The following NLGN1 variants were observed in gnomAD, a reference collection of about 807,000 sequenced individuals.
The protein encoded by NLGN1 is neuroligin 1, also known as neuroligin-1.
In NLGN1, 12 loss-of-function variants were observed where a neutral mutation model predicts 65.5. That is an observed-to-expected ratio of 0.18 (90% confidence interval 0.12 to 0.30). The LOEUF is 0.30. Ranked by LOEUF, NLGN1 falls within the 10% of genes least tolerant of loss-of-function variation. The pLI is 1.00. For missense variants in NLGN1, 750 were observed against 1,007.1 expected, an observed-to-expected ratio of 0.74 and a Z score of 3.46; for synonymous variants, 350 against 359.5, an observed-to-expected ratio of 0.97 and a Z score of 0.30.
chr3:173,568,781 C>T lies in NLGN1; in HGVS notation c.-320-35498C>T, dbSNP rs1395193159. Among the ~76,000 whole-genome samples the T allele has an allele frequency of 2.0e-5, 3 of 152,206 alleles. No homozygotes were observed. The East Asian group carries it at 5.8e-4, about 29-fold the overall frequency. ...CTCCGCCTCCTGGGTTCACCCCATT[C>T]TCCGGCCTCAGCCTCTGGAGTAGCT... On this transcript the variant is annotated intron_variant, in intron 2 of 6. Coordinates refer to ENST00000457714, the Ensembl canonical transcript of NLGN1.
intron 1 of NLGN1, among the ~76,000 whole-genome samples, chr3:173,430,076 A>C (rs1175736932): frequency 6.6e-6 from 1 of 152,184 alleles, no homozygotes; most frequent in Non-Finnish European, 1.5e-5. Context: ...GAAGAAACCT[A>C]ACTGGTGACG....
At chr3:173,769,094 A>G (rs1269009702) in intron 3 of NLGN1, among the ~76,000 whole-genome samples, 2 of 152,066 alleles carry the variant, frequency 1.3e-5, no homozygotes, top group East Asian at 1.9e-4. Flanking sequence ...GGTCTCCATT[A>G]CTTTGTTCAA....
chr3:173,852,232 T>C (rs966158555), intron 4 of NLGN1, among the ~76,000 whole-genome samples: 1 of 150,438 alleles, frequency 6.6e-6, no homozygotes, highest in East Asian at 2.0e-4. Flanking sequence ...AGCGGGCGCC[T>C]GTAGTCCCAG....
rs569559615 is a variant in NLGN1 at position 173,842,273 on chromosome 3, C to T, written c.646+34441C>T. 1.2e-4 allele frequency among the ~76,000 whole-genome samples: 18 copies of T among 152,314 alleles called. No individual in the cohort carries two copies. In the South Asian group the frequency reaches 3.5e-3, roughly 30 times the overall value. On this transcript the variant is annotated intron_variant, in intron 4 of 6. Coordinates refer to ENST00000457714, the Ensembl canonical transcript of NLGN1. ...TGACATGTGGGAAGTGTGAGAGCTA[C>T]AATTCAAGATGACATTTTGGTGGGG...
intron 2 of NLGN1, among the ~76,000 whole-genome samples, chr3:173,565,091 G>C (rs1450887060): frequency 6.6e-6 from 1 of 152,142 alleles, no homozygotes; most frequent in African/African-American, 2.4e-5. Context: ...AAGGAGTACG[G>C]GGCAAAGTTA....
chr3:173,585,787 A>T (rs1302689845), intron 2 of NLGN1, among the ~76,000 whole-genome samples: 1 of 152,074 alleles, frequency 6.6e-6, no homozygotes, highest in Non-Finnish European at 1.5e-5. Context: ...TTTTCTTTCC[A>T]ACTGAGCGGT....
At chr3:174,230,517 A>G (rs867695740) in intron 4 of NLGN1, among the ~76,000 whole-genome samples, 13 of 152,340 alleles carry the variant, frequency 8.5e-5, no homozygotes, top group African/African-American at 3.1e-4. Flanking sequence ...ATTTTCCTTC[A>G]GTGTTTTCAT....
rs114837128 is a variant in NLGN1 at position 174,075,429 on chromosome 3, C to A, written c.647-199886C>A. ...TCTATTTAAATGATAATCAGAGCTCCTAGATTAGAAATAATTTTGATGAAG... is the reference window on the plus strand; with the variant it reads ...TCTATTTAAATGATAATCAGAGCTCATAGATTAGAAATAATTTTGATGAAG... On this transcript the variant is annotated intron_variant, in intron 4 of 6. Coordinates refer to ENST00000457714, the Ensembl canonical transcript of NLGN1. Among the ~76,000 whole-genome samples the A allele has an allele frequency of 2.6e-3, 403 of 152,128 alleles. 1 individual carries two copies. Among genetic ancestry groups the A allele is most frequent in the Admixed American group, 6.7e-3 (103 of 15,266 alleles).
rs117989498 is a variant in NLGN1, at chr3:174,195,150, C to T, written c.647-80165C>T. ...TGCTGGGAATACAGGCATGAGCCAC[C>T]GCCCCCAGCCAAAGATCATGTTTTT... On this transcript the variant is annotated intron_variant, in intron 4 of 6. Coordinates refer to ENST00000457714, the Ensembl canonical transcript of NLGN1. Among the ~76,000 whole-genome samples the T allele has an allele frequency of 2.2e-4, 33 of 152,260 alleles. No individual in the cohort carries two copies. The East Asian group carries it at 6.2e-3, about 29-fold the overall frequency.
rs141552077 is a variant in NLGN1, at chr3:173,533,520, G to A, written c.-320-70759G>A. 2.7e-3 allele frequency among the ~76,000 whole-genome samples: 404 copies of A among 152,218 alleles called. 1 individual carries two copies. The highest frequency in any genetic ancestry group is 8.9e-3 in the African/African-American group (368 of 41,534). On this transcript the variant is annotated intron_variant, in intron 2 of 6. Coordinates refer to ENST00000457714, the Ensembl canonical transcript of NLGN1. ...TTGGTTCTTCTGGAAAATAAAGCCCGTAATCTTATTTATGGAAGTTCTCCC... is the reference window on the plus strand; with the variant it reads ...TTGGTTCTTCTGGAAAATAAAGCCCATAATCTTATTTATGGAAGTTCTCCC...
At chr3:174,126,609 A>G (rs186866804) in intron 4 of NLGN1, among the ~76,000 whole-genome samples, 38 of 152,226 alleles carry the variant, frequency 2.5e-4, no homozygotes, top group Non-Finnish European at 4.1e-4. Context: ...TTAGGAGTCA[A>G]TTCACTCTCC....
chr3:173,397,073 A>G (rs1025937918), upstream of NLGN1, among the ~76,000 whole-genome samples: 3 of 151,006 alleles, frequency 2.0e-5, no homozygotes, highest in African/African-American at 5.0e-5. Flanking sequence ...GCAATAAAAA[A>G]TAATGAACTT....
At chr3:173,566,681 A>G (rs1036994690) in intron 2 of NLGN1, among the ~76,000 whole-genome samples, 1 of 152,004 alleles carries the variant, frequency 6.6e-6, no homozygotes, top group Non-Finnish European at 1.5e-5. Context: ...TCTGCTATTA[A>G]TCCTTGCTTC....
chr3:173,852,595 C>A (rs1008905213), intron 4 of NLGN1, among the ~76,000 whole-genome samples: 2 of 151,938 alleles, frequency 1.3e-5, no homozygotes, highest in Non-Finnish European at 2.9e-5. Flanking sequence ...ATCTTGTTGA[C>A]CCCTAATTGT....
At chr3:173,809,695 T>C (rs544245259) in intron 4 of NLGN1, among the ~76,000 whole-genome samples, 3 of 152,316 alleles carry the variant, frequency 2.0e-5, no homozygotes, top group Non-Finnish European at 2.9e-5. Flanking sequence ...CCATTCTTTT[T>C]CTTTTTATGT....
In NLGN1 at chr3:173,461,990, A is replaced by G. The variant is rs13316310; in HGVS notation, c.-321+26912A>G. ...TAAAGTTGTGCTTCTCAAACCATCT[A>G]TGGTGAATGAACATTTTCTATAAGT... On this transcript the variant is annotated intron_variant, in intron 2 of 6. Transcript: ENST00000457714. 2.5e-3 allele frequency among the ~76,000 whole-genome samples: 376 copies of G among 152,282 alleles called. 2 individuals are homozygous for G. Among genetic ancestry groups the G allele is most frequent in the African/African-American group, 8.6e-3 (359 of 41,574 alleles).
At chr3:173,502,514 A>G (rs1335211693) in intron 2 of NLGN1, among the ~76,000 whole-genome samples, 1 of 152,134 alleles carries the variant, frequency 6.6e-6, no homozygotes, top group African/African-American at 2.4e-5. Context: ...AGGGATACAT[A>G]GTTTTCTAGC....
intron 4 of NLGN1, among the ~76,000 whole-genome samples, chr3:174,155,098 A>G (rs1056654967): frequency 1.4e-5 from 2 of 147,084 alleles, no homozygotes; most frequent in African/African-American, 2.5e-5. Flanking sequence ...AAGATGTTTT[A>G]TCTTAAATAT....
At chr3:174,153,916 A>G (rs899207873) in intron 4 of NLGN1, among the ~76,000 whole-genome samples, 6 of 151,964 alleles carry the variant, frequency 3.9e-5, no homozygotes, top group South Asian at 4.1e-4. Context: ...CTTAGTTGCT[A>G]TTTTTCCAAA....
Sources: allele counts gnomAD v4.1 joint callset (sites outside exome capture counted in the v4.1 genomes callset), GRCh38; gene constraint gnomAD v4.1.1; transcripts MANE v1.5; gene names NCBI Gene and HGNC (gene_info 2026-07-23, HGNC 2026-07-21).